NRG3: variants seen among roughly 807,000 people sequenced by gnomAD.
NRG3 encodes the protein pro-neuregulin-3, membrane-bound isoform.
Under a neutral mutation model 66.9 loss-of-function variants are expected in NRG3, and 31 were observed. The ratio of observed to expected loss-of-function variants is 0.46; its 90% confidence interval spans 0.35 to 0.63. The LOEUF is 0.63. Among genes scored for constraint, NRG3 ranks in the 20% least tolerant of loss-of-function variants. The pLI, the probability that NRG3 is intolerant of heterozygous loss-of-function variation, is 0.00. For synonymous variants in NRG3, 393 were observed against 359.4 expected (o/e 1.09, Z -1.06); for missense variants, 910 against 878.9 (o/e 1.04, Z -0.45).
chr10:82,900,047 C>G (rs1286207036), intron 4 of NRG3, among the ~76,000 whole-genome samples: 2 of 152,096 alleles, frequency 1.3e-5, no homozygotes, highest in African/African-American at 4.8e-5. Context: ...CAAGAAGCTT[C>G]TAATTATGGC....
chr10:82,383,126 A>T (rs1220129290), intron 2 of NRG3, among the ~76,000 whole-genome samples: 1 of 151,998 alleles, frequency 6.6e-6, no homozygotes, highest in African/African-American at 2.4e-5. Context: ...TTTATATTTT[A>T]AATGAATTTT....
chr10:82,734,003 G>A (rs1229874241), intron 2 of NRG3, among the ~76,000 whole-genome samples: 1 of 152,204 alleles, frequency 6.6e-6, no homozygotes, highest in Non-Finnish European at 1.5e-5. Context: ...CAGCAAGTGA[G>A]TGACCTGACC....
intron 1 of NRG3, among the ~76,000 whole-genome samples, chr10:81,918,159 A>T (rs962990980): frequency 2.0e-5 from 3 of 152,174 alleles, no homozygotes; most frequent in African/African-American, 7.2e-5. Context: ...AATATTTTTG[A>T]AAGTGGATTT....
At chr10:82,697,687 T>C (rs915600762) in intron 2 of NRG3, among the ~76,000 whole-genome samples, 1 of 152,156 alleles carries the variant, frequency 6.6e-6, no homozygotes, top group Non-Finnish European at 1.5e-5. Flanking sequence ...TTAACGTGAC[T>C]TTAGTAAGTC....
At chr10:82,367,500 A>G (rs899337456) in intron 2 of NRG3, among the ~76,000 whole-genome samples, 10 of 152,238 alleles carry the variant, frequency 6.6e-5, no homozygotes, top group African/African-American at 2.4e-4. Flanking sequence ...TCACTATATA[A>G]TGATGTCTTT....
At chr10:82,540,344 CTCT>C (rs1011722437) in intron 2 of NRG3, among the ~76,000 whole-genome samples, 17 of 152,070 alleles carry the variant, frequency 1.1e-4, no homozygotes, top group Admixed American at 3.3e-4. Flanking sequence ...CTTCTGTTTT[CTCT>C]TCTTTCTCTT....
In NRG3 at chr10:82,408,081, GAGAC is replaced by G. The variant is rs1265627470; in HGVS notation, c.953+49217_953+49220del. ...AGAGAGAGAGAGAGAGAGAGAGAGAGAGACAGAAAGAAAGAAAGAAAGAAAGAAA... is the reference window on the plus strand; with the variant it reads ...AGAGAGAGAGAGAGAGAGAGAGAGAGAGAAAGAAAGAAAGAAAGAAAGAAA... On this transcript the variant is annotated intron_variant, in intron 2 of 8. Coordinates refer to ENST00000372141, the MANE Select transcript of NRG3 (RefSeq NM_001010848.4). Among the ~76,000 whole-genome samples the G allele has an allele frequency of 9.0e-5, 6 of 67,030 alleles. No individual in the cohort carries two copies. In the East Asian group the frequency reaches 1.7e-3, roughly 19 times the overall value. The allele number at this position is 67,030 out of a possible 152,430, so 44.0% of individuals were successfully genotyped here.
At chr10:82,764,898 GAGA>G (rs376548027) in intron 3 of NRG3, among the ~76,000 whole-genome samples, 5 of 152,034 alleles carry the variant, frequency 3.3e-5, no homozygotes, top group East Asian at 1.9e-4. Flanking sequence ...GAGAAAGACA[GAGA>G]AGAAGGTTCC....
intron 1 of NRG3, among the ~76,000 whole-genome samples, chr10:81,995,645 A>G (rs1261302699): frequency 6.6e-6 from 1 of 152,188 alleles, no homozygotes; most frequent in Non-Finnish European, 1.5e-5. Flanking sequence ...TTACAGTTTA[A>G]GGATGCTGTT....
At chr10:82,104,599 G>A (rs1271081016) in intron 1 of NRG3, among the ~76,000 whole-genome samples, 4 of 152,184 alleles carry the variant, frequency 2.6e-5, no homozygotes, top group African/African-American at 9.7e-5. Flanking sequence ...GAAAAAGGTA[G>A]TCAGCATTTA....
chr10:82,056,387 A>G (rs1336596182), intron 1 of NRG3, among the ~76,000 whole-genome samples: 1 of 152,178 alleles, frequency 6.6e-6, no homozygotes, highest in African/African-American at 2.4e-5. Context: ...GCTCACTCTG[A>G]TAGGAATCTT....
intron 1 of NRG3, among the ~76,000 whole-genome samples, chr10:82,000,542 A>G (rs1013038489): frequency 3.9e-5 from 6 of 152,212 alleles, no homozygotes; most frequent in African/African-American, 1.4e-4. Context: ...ATCATAGCCC[A>G]TGTCCCACAC....
intron 2 of NRG3, among the ~76,000 whole-genome samples, chr10:82,592,394 G>A (rs1052003471): frequency 1.3e-5 from 2 of 152,196 alleles, no homozygotes; most frequent in African/African-American, 4.8e-5. Context: ...ATGGTACAGA[G>A]GATGTCCTCT....
intron 1 of NRG3, among the ~76,000 whole-genome samples, chr10:82,123,122 C>T (rs977739748): frequency 6.6e-6 from 1 of 152,048 alleles, no homozygotes; most frequent in Non-Finnish European, 1.5e-5. Flanking sequence ...ACTTTGGTCT[C>T]CTATGTTATT....
intron 1 of NRG3, among the ~76,000 whole-genome samples, chr10:82,353,689 C>T (rs2083580816): frequency 6.6e-6 from 1 of 152,158 alleles, no homozygotes; most frequent in African/African-American, 2.4e-5. Context: ...TGATGGGGTA[C>T]TATTTCTAAT....
At chr10:82,073,338 T>A (rs1243067747) in intron 1 of NRG3, among the ~76,000 whole-genome samples, 2 of 152,140 alleles carry the variant, frequency 1.3e-5, no homozygotes, top group East Asian at 3.8e-4. Flanking sequence ...AAGGAAGGAC[T>A]CCTGTCATTT....
chr10:82,953,968 A>AC (rs1404722542), intron 5 of NRG3, among the ~76,000 whole-genome samples: 2 of 151,368 alleles, frequency 1.3e-5, no homozygotes, highest in Non-Finnish European at 2.9e-5. Flanking sequence ...AAAAAAAAAA[A>AC]AACAATGCAA....
At chr10:82,861,183 T>TGA (rs1194932479) in intron 3 of NRG3, among the ~76,000 whole-genome samples, 1 of 151,532 alleles carries the variant, frequency 6.6e-6, no homozygotes, top group Non-Finnish European at 1.5e-5. Context: ...ACAAAGAAAG[T>TGA]GAGAGAGAGA....
intron 3 of NRG3, among the ~76,000 whole-genome samples, chr10:82,760,251 G>A (rs2059251188): frequency 6.6e-6 from 1 of 152,030 alleles, no homozygotes; most frequent in South Asian, 2.1e-4. Flanking sequence ...TTCCAACAGA[G>A]ATGCCCACAG....
Sources: gnomAD v4.1 joint callset for allele counts (sites outside exome capture counted in the v4.1 genomes callset) on GRCh38, gnomAD v4.1.1 for gene constraint, MANE v1.5 for transcripts, NCBI Gene and HGNC (gene_info 2026-07-23, HGNC 2026-07-21) for gene names.